NCKAP5: variants seen among roughly 807,000 people sequenced by gnomAD.
NCKAP5 encodes NCK associated protein 5, also known as nck-associated protein 5.
A neutral mutation model predicts 167.0 loss-of-function variants in NCKAP5; 92 were observed. The ratio of observed to expected loss-of-function variants is 0.55; its 90% confidence interval spans 0.47 to 0.66. NCKAP5 has a LOEUF of 0.66. Among genes scored for constraint, NCKAP5 ranks in the 30% least tolerant of loss-of-function variants. The pLI, the probability that NCKAP5 is intolerant of heterozygous loss-of-function variation, is 0.00. For synonymous variants in NCKAP5, 891 were observed against 877.4 expected, an observed-to-expected ratio of 1.02 and a Z score of -0.27; for missense variants, 2,378 against 2,315.0, an observed-to-expected ratio of 1.03 and a Z score of -0.56.
At chr2:132,973,669 C>T (rs1230242398) in intron 7 of NCKAP5, among the ~76,000 whole-genome samples, 4 of 151,968 alleles carry the variant, frequency 2.6e-5, no homozygotes, top group South Asian at 2.1e-4. Context: ...CATAATAAAA[C>T]TTTCGTGCTT....
chr2:132,845,146 C>T lies in NCKAP5; in HGVS notation c.807+15346G>A, dbSNP rs554998800. Among the ~76,000 whole-genome samples, 4 of 152,200 alleles carry T rather than the reference C, an allele frequency of 2.6e-5. No individual in the cohort carries two copies. The East Asian group carries it at 5.8e-4, about 22-fold the overall frequency. On this transcript the variant is annotated intron_variant, in intron 11 of 19. Transcript: ENST00000409261. The stretch of plus-strand genomic sequence containing the variant: ...AACTGTTAACTGTTTCTACTCTTGT[C>T]TTACTTCATTTTAACTCATAAGAAA...
intron 11 of NCKAP5, among the ~76,000 whole-genome samples, chr2:132,851,681 T>C (rs1689092240): frequency 6.6e-6 from 1 of 152,158 alleles, no homozygotes; most frequent in African/African-American, 2.4e-5. Context: ...CCTTGACCCA[T>C]GCAGCCAAGA....
intron 3 of NCKAP5, among the ~76,000 whole-genome samples, chr2:133,357,298 C>G (rs911561727): frequency 1.2e-4 from 18 of 150,346 alleles, no homozygotes; most frequent in Admixed American, 1.1e-3. Flanking sequence ...GACACACACA[C>G]ACACACACAC....
chr2:133,573,324 G>A (rs1365015191), upstream of NCKAP5, among the ~76,000 whole-genome samples: 1 of 152,188 alleles, frequency 6.6e-6, no homozygotes, highest in East Asian at 1.9e-4. Flanking sequence ...CCTCCTGAGA[G>A]GAGTGAGGGC....
intron 5 of NCKAP5, among the ~76,000 whole-genome samples, chr2:133,204,312 A>G (rs1369631402): frequency 6.6e-6 from 1 of 152,310 alleles, no homozygotes; most frequent in African/African-American, 2.4e-5. Flanking sequence ...CACAATTTTT[A>G]AACAGTTTTA....
chr2:132,870,291 G>A (rs1690705664), intron 9 of NCKAP5, among the ~76,000 whole-genome samples: 1 of 152,148 alleles, frequency 6.6e-6, no homozygotes, highest in African/African-American at 2.4e-5. Context: ...TTGAAGCTAT[G>A]TAGCTACATG....
intron 3 of NCKAP5, among the ~76,000 whole-genome samples, chr2:133,435,642 T>C (rs72846355): frequency 0.096 from 14,636 of 152,144 alleles, 789 homozygotes; most frequent in Middle Eastern, 0.18. Flanking sequence ...TTAGAGAAGG[T>C]GCTGGCCTAC....
the NCKAP5 span, among the ~76,000 whole-genome samples, chr2:133,668,596 G>C: frequency 1.3e-5 from 2 of 151,806 alleles, no homozygotes; most frequent in African/African-American, 4.9e-5. Flanking sequence ...TTTGAGAAAT[G>C]AATATTTGAA....
At position 132,828,371 on chromosome 2, in the gene NCKAP5, T is replaced by C. The variant is rs1407100380; in HGVS notation, c.808-31642A>G. Among the ~76,000 whole-genome samples, 7 of 152,228 alleles carry C rather than the reference T, an allele frequency of 4.6e-5. No homozygotes were observed. In the South Asian group the frequency reaches 1.5e-3, roughly 32 times the overall value. Reference sequence around the variant, plus strand: ...TGGATCAAGGGGGTGGATTTTCCCCTTGCTGTTCTCATGATAGTGAGTAGT... The same window carrying C: ...TGGATCAAGGGGGTGGATTTTCCCCCTGCTGTTCTCATGATAGTGAGTAGT... On this transcript the variant is annotated intron_variant, in intron 11 of 19. Transcript: ENST00000409261.
intron 4 of NCKAP5, among the ~76,000 whole-genome samples, chr2:133,271,819 T>C (rs2089525664): frequency 6.6e-6 from 1 of 152,230 alleles, no homozygotes; most frequent in Non-Finnish European, 1.5e-5. Flanking sequence ...AAAGTGATAC[T>C]GTGGTTATAA....
rs192985320 is a variant in NCKAP5, at chr2:133,465,555, C to T, written c.69+51903G>A. Among the ~76,000 whole-genome samples the T allele has an allele frequency of 4.0e-4, 61 of 152,254 alleles. No homozygotes were observed. The Middle Eastern group carries it at 0.01, about 25-fold the overall frequency. ...GGGATGGCTGGGTCAAATGGTATTT[C>T]CAGTTCTAGATCCCTGAGGAATTGC... On this transcript the variant is annotated intron_variant, in intron 3 of 19. Transcript: ENST00000409261.
chr2:133,001,543 T>C (rs1352368291), intron 6 of NCKAP5, among the ~76,000 whole-genome samples: 1 of 152,182 alleles, frequency 6.6e-6, no homozygotes, highest in Non-Finnish European at 1.5e-5. Context: ...TAAAAATGCA[T>C]ACATTGAGGT....
chr2:133,531,126 C>T (rs1816385), intron 2 of NCKAP5, among the ~76,000 whole-genome samples: 87,393 of 148,554 alleles, frequency 0.59, 26,875 homozygotes, highest in East Asian at 0.94. Flanking sequence ...GATGTGAAGA[C>T]TGAAAGAAAA....
chr2:132,699,091 A>G (rs1687622498), intron 19 of NCKAP5, among the ~76,000 whole-genome samples: 1 of 152,216 alleles, frequency 6.6e-6, no homozygotes, highest in Admixed American at 6.5e-5. Flanking sequence ...ATCATTGTAC[A>G]GAAGAAACTG....
intron 4 of NCKAP5, among the ~76,000 whole-genome samples, chr2:133,271,921 G>A (rs771067123): frequency 5.9e-5 from 9 of 152,152 alleles, no homozygotes; most frequent in Non-Finnish European, 1.2e-4. Context: ...AAAAATATCT[G>A]TGAAGTAAAA....
chr2:132,842,844 T>C (rs1346275664), intron 11 of NCKAP5, among the ~76,000 whole-genome samples: 2 of 152,170 alleles, frequency 1.3e-5, no homozygotes, highest in African/African-American at 4.8e-5. Flanking sequence ...CCACCCAATT[T>C]CCATTTTTTC....
intron 5 of NCKAP5, among the ~76,000 whole-genome samples, chr2:133,202,691 G>GA (rs1476221018): frequency 2.0e-5 from 3 of 151,634 alleles, no homozygotes; most frequent in Admixed American, 6.6e-5. Context: ...AAATTTACAA[G>GA]AAAAAAAATC....
chr2:132,689,005 A>T (rs77913228), intron 19 of NCKAP5, among the ~76,000 whole-genome samples: 1 of 150,310 alleles, frequency 6.7e-6, no homozygotes, highest in Non-Finnish European at 1.5e-5. Flanking sequence ...AAAAAAAAAA[A>T]GCCTCTTTCC....
intron 5 of NCKAP5, among the ~76,000 whole-genome samples, chr2:133,142,463 T>C (rs2083036992): frequency 1.3e-5 from 2 of 152,178 alleles, no homozygotes; most frequent in Non-Finnish European, 1.5e-5. Flanking sequence ...ATGCACTTTA[T>C]GTGAGTGTCA....
Sources: allele counts gnomAD v4.1 joint callset (sites outside exome capture counted in the v4.1 genomes callset), GRCh38; gene constraint gnomAD v4.1.1; transcripts MANE v1.5; gene names NCBI Gene and HGNC (gene_info 2026-07-23, HGNC 2026-07-21).